ATP2C2: variants seen among roughly 807,000 people sequenced by gnomAD.
ATP2C2 encodes calcium-transporting ATPase type 2C member 2.
A neutral mutation model predicts 110.8 loss-of-function variants in ATP2C2; 171 were observed. That is an observed-to-expected ratio of 1.54 (90% CI 1.36 to 1.75). The LOEUF (loss-of-function observed/expected upper bound fraction) is 1.75. ATP2C2 is among the 40% of genes most tolerant of loss of function. The probability of loss-of-function intolerance (pLI) is 0.00; values close to 1 mark genes in which losing one functional copy is unlikely to be tolerated. For synonymous variants in ATP2C2, 804 were observed against 508.4 expected, an observed-to-expected ratio of 1.58 and a Z score of -7.82; for missense variants, 1,963 against 1,235.0, an observed-to-expected ratio of 1.59 and a Z score of -8.84.
At chr16:84,368,798 G>A (rs967355218) in intron 1 of ATP2C2, 84 bp downstream of exon 1, 19 of 1,203,062 alleles carry the variant, frequency 1.6e-5, no homozygotes, top group Non-Finnish European at 2.0e-5. Context: ...GAGACCCCGC[G>A]TTCGCGCTGC....
chr16:84,424,339 C>T (rs1328606546), intron 10 of ATP2C2, among the ~76,000 whole-genome samples: 16 of 152,166 alleles, frequency 1.1e-4, no homozygotes, highest in African/African-American at 2.9e-4. Context: ...AGAGCAGTGG[C>T]GTGATCTCAG....
At chr16:84,450,751 A>C (rs1217010710) in intron 17 of ATP2C2, among the ~76,000 whole-genome samples, 1 of 152,122 alleles carries the variant, frequency 6.6e-6, no homozygotes, top group Non-Finnish European at 1.5e-5. Flanking sequence ...TGTGCCACAG[A>C]AACAGAGTCA....
At chr16:84,397,556 T>G (rs1225591382) in intron 1 of ATP2C2, among the ~76,000 whole-genome samples, 1 of 148,142 alleles carries the variant, frequency 6.8e-6, no homozygotes, top group Non-Finnish European at 1.5e-5. Context: ...GCACCTGTGG[T>G]CCTGCTATTC....
At chr16:84,390,076 G>GC (rs1904560548) in intron 1 of ATP2C2, among the ~76,000 whole-genome samples, 1 of 152,126 alleles carries the variant, frequency 6.6e-6, no homozygotes, top group Non-Finnish European at 1.5e-5. Flanking sequence ...TATACCCTTA[G>GC]CCCCCCACAT....
intron 2 of ATP2C2, among the ~76,000 whole-genome samples, chr16:84,404,036 C>T (rs1160935614): frequency 1.3e-5 from 2 of 152,192 alleles, no homozygotes; most frequent in African/African-American, 2.4e-5. Flanking sequence ...ACGCATAGGG[C>T]AGGTAATGGG....
chr16:84,451,638 G>C (rs1435642320), intron 17 of ATP2C2, among the ~76,000 whole-genome samples: 3 of 152,160 alleles, frequency 2.0e-5, no homozygotes, highest in Non-Finnish European at 4.4e-5. Flanking sequence ...AGGAGTTTGA[G>C]ACCAGCCTGG....
intron 16 of ATP2C2, 37 bp from the exon 17 acceptor site, chr16:84,448,496 C>T (rs776652447): frequency 3.0e-5 from 48 of 1,584,590 alleles, no homozygotes; most frequent in Non-Finnish European, 3.9e-5. Flanking sequence ...CCAAGGCTTC[C>T]AGTGATAGTG....
chr16:84,413,098 C>CAA (rs35993245), intron 6 of ATP2C2, among the ~76,000 whole-genome samples: 22 of 129,986 alleles, frequency 1.7e-4, no homozygotes, highest in African/African-American at 5.0e-4. Context: ...AACTCTGTCT[C>CAA]AAAAAAAAAA....
At chr16:84,371,177 G>C (rs1421536203) in intron 1 of ATP2C2, among the ~76,000 whole-genome samples, 3 of 152,174 alleles carry the variant, frequency 2.0e-5, no homozygotes, top group African/African-American at 7.2e-5. Context: ...ACGACCCCAT[G>C]TTAGAAGCAC....
In ATP2C2 at chr16:84,422,516, C is replaced by G. The variant is rs765221214; in HGVS notation, c.751C>G (p.Leu251Val). Residue 251 changes from leucine (L) to valine (V), a missense_variant, in exon 8 of 27, where the codon CTG becomes GTG. Physicochemically the swap from Leu to Val is conservative, Grantham distance 32. Transcript: ENST00000262429. ...CAGCAACATCGTCTTCATGGGGACC[C>G]TGGTGCAGTATGGGAGGGGCCAGGT... ...TLSNIVFMGT[L>V]VQYGRGQGVV... The G allele has an allele frequency of 7.4e-6, 12 of 1,613,988 alleles. No individual in the cohort carries two copies. The highest frequency in any genetic ancestry group is 6.8e-6 in the Non-Finnish European group (8 of 1,180,022).
chr16:84,460,372 G>A, intron 23 of ATP2C2: 1 of 492,096 alleles, frequency 2.0e-6, no homozygotes, highest in Non-Finnish European at 3.7e-6. Flanking sequence ...CGGGGTGATG[G>A]AGATCATCTG....
At chr16:84,406,125 A>C (rs1905744869) in intron 3 of ATP2C2, among the ~76,000 whole-genome samples, 1 of 152,218 alleles carries the variant, frequency 6.6e-6, no homozygotes, top group Non-Finnish European at 1.5e-5. Context: ...CAGTGCAGCC[A>C]GGGAGCTGCA....
At chr16:84,451,692 G>C (rs1485222331) in intron 17 of ATP2C2, among the ~76,000 whole-genome samples, 1 of 152,164 alleles carries the variant, frequency 6.6e-6, no homozygotes, top group Non-Finnish European at 1.5e-5. Flanking sequence ...ACAAAAATTA[G>C]CTGGGCCTGG....
intron 6 of ATP2C2, among the ~76,000 whole-genome samples, chr16:84,413,248 A>T (rs931951610): frequency 6.6e-6 from 1 of 152,146 alleles, no homozygotes; most frequent in Non-Finnish European, 1.5e-5. Context: ...GAGCTTTAGT[A>T]TATATCCCAG....
At position 84,461,673 on chromosome 16, in the gene ATP2C2, C is replaced by G. The variant is rs202224998; in HGVS notation, c.2482-41C>G. On this transcript the variant is annotated intron_variant, in intron 24 of 26. Coordinates refer to ENST00000262429, the MANE Select transcript of ATP2C2 (RefSeq NM_014861.4). The stretch of plus-strand genomic sequence containing the variant: ...CCCTTTGGTTCAGGATGGAGGTTGT[C>G]TCTTCCCGCCTAACCTCTCACCTTT... 319 of 1,572,222 alleles carry G rather than the reference C, an allele frequency of 2.0e-4. 1 individual carries two copies. In the Admixed American group the frequency reaches 5.1e-3, roughly 25 times the overall value.
At chr16:84,394,487 C>T (rs1343390503) in intron 1 of ATP2C2, among the ~76,000 whole-genome samples, 1 of 152,090 alleles carries the variant, frequency 6.6e-6, no homozygotes, top group Non-Finnish European at 1.5e-5. Flanking sequence ...AGTGTGATGT[C>T]TTCCAGGTTC....
intron 11 of ATP2C2, among the ~76,000 whole-genome samples, chr16:84,430,905 AC>A (rs1355888254): frequency 1.3e-5 from 2 of 148,356 alleles, no homozygotes; most frequent in East Asian, 4.0e-4. Flanking sequence ...CAGCAACCCA[AC>A]CCCCCCACCT....
chr16:84,419,208 TAAAAAAAAAAA>T (rs59552270), intron 7 of ATP2C2, among the ~76,000 whole-genome samples: 900 of 47,526 alleles, frequency 0.019, 24 homozygotes, highest in African/African-American at 0.066. Flanking sequence ...ACCCCATCTT[TAAAAAAAAAAA>T]AAAAAAAAAA....
rs72806654 is a variant in ATP2C2 at position 84,462,134 on chromosome 16, G to C, written c.2722+5G>C. ...CGGAGAACCTGGGAGCGCTTGGTGA[G>C]TGGTGGGGACGGGAACGACAGGTGA... On this transcript the variant is annotated splice_donor_5th_base_variant and intron_variant, in intron 26 of 26. Transcript: ENST00000262429. 60 of 1,611,834 alleles carry C rather than the reference G, an allele frequency of 3.7e-5. No individual in the cohort carries two copies. The Admixed American group carries it at 3.8e-4, about 10-fold the overall frequency.
Sources: allele counts gnomAD v4.1 joint callset (sites outside exome capture counted in the v4.1 genomes callset), GRCh38; gene constraint gnomAD v4.1.1; transcripts MANE v1.5; gene names NCBI Gene and HGNC (gene_info 2026-07-23, HGNC 2026-07-21).